CHLSN: variants seen among roughly 807,000 people sequenced by gnomAD.
CHLSN encodes the protein cholesin, also known as protein cholesin.
chr7:985,999 G>C, the CHLSN span, among the ~76,000 whole-genome samples: 251 of 152,254 alleles, frequency 1.6e-3, no homozygotes, highest in African/African-American at 5.1e-3. Flanking sequence ...TGCTGGTGGA[G>C]CCAGGCAGGC....
the CHLSN span, among the ~76,000 whole-genome samples, chr7:1,073,554 C>T: frequency 2.0e-5 from 3 of 152,114 alleles, no homozygotes; most frequent in Non-Finnish European, 4.4e-5. Context: ...GTTTCCTTCC[C>T]CAGCCCATAT....
At chr7:1,002,760 T>G in the CHLSN span, among the ~76,000 whole-genome samples, 1 of 63,254 alleles carries the variant, frequency 1.6e-5, no homozygotes, top group East Asian at 5.0e-4. Flanking sequence ...GTCCTGTGGG[T>G]GGGGAGTCCT....
At chr7:1,086,050 GC>G in the CHLSN span, among the ~76,000 whole-genome samples, 62 of 152,308 alleles carry the variant, frequency 4.1e-4, no homozygotes, top group African/African-American at 1.3e-3. Context: ...AGACCCAGAT[GC>G]CCCGATCCGC....
At chr7:1,034,027 T>C in the CHLSN span, among the ~76,000 whole-genome samples, 9 of 152,224 alleles carry the variant, frequency 5.9e-5, no homozygotes, top group Admixed American at 3.9e-4. Flanking sequence ...GCAAGCGGCA[T>C]GACCGTTGAT....
chr7:1,028,980 A>C, the CHLSN span: 1 of 192,250 alleles, frequency 5.2e-6, no homozygotes, highest in Non-Finnish European at 8.6e-6. Flanking sequence ...CATGGCATCC[A>C]CGTGTCCAGC....
the CHLSN span, among the ~76,000 whole-genome samples, chr7:1,071,639 G>T: frequency 6.6e-6 from 1 of 152,184 alleles, no homozygotes. Context: ...GCAGGAACAG[G>T]TTCAGGAGAC....
At chr7:1,021,586 C>T in the CHLSN span, 5 of 984,948 alleles carry the variant, frequency 5.1e-6, no homozygotes, top group African/African-American at 1.7e-5. Context: ...CAATCATTTC[C>T]CCATGCTGTT....
chr7:1,003,873 G>A, the CHLSN span, among the ~76,000 whole-genome samples: 2 of 133,312 alleles, frequency 1.5e-5, no homozygotes, highest in Admixed American at 7.1e-5. Context: ...CTGTGGGTTT[G>A]GAGTCCTGTG....
chr7:1,015,914 A>G, the CHLSN span, among the ~76,000 whole-genome samples: 1 of 152,100 alleles, frequency 6.6e-6, no homozygotes, highest in Admixed American at 6.5e-5. Flanking sequence ...CACTGATGTC[A>G]CCTGACCAGA....
chr7:1,008,757 C>T, the CHLSN span, among the ~76,000 whole-genome samples: 11 of 152,274 alleles, frequency 7.2e-5, no homozygotes, highest in Non-Finnish European at 1.3e-4. Context: ...CATAAACACA[C>T]ACGTGCATAA....
At chr7:1,018,195 C>T in the CHLSN span, among the ~76,000 whole-genome samples, 2 of 152,214 alleles carry the variant, frequency 1.3e-5, no homozygotes, top group African/African-American at 4.8e-5. Flanking sequence ...AGGACACGCA[C>T]ACTAGGGCTT....
chr7:1,081,072 G>A, the CHLSN span: 1 of 152,374 alleles, frequency 6.6e-6, no homozygotes, highest in Non-Finnish European at 1.5e-5. Context: ...CAGTGGAGGA[G>A]GGGGAGCACG....
the CHLSN span, among the ~76,000 whole-genome samples, chr7:1,059,805 A>T: frequency 2.0e-5 from 1 of 49,762 alleles, no homozygotes; most frequent in Non-Finnish European, 3.6e-5. Flanking sequence ...GCAGGCCCGT[A>T]GTGGGGCGGG....
the CHLSN span, among the ~76,000 whole-genome samples, chr7:1,008,908 AACACACGTATACACATG>A: frequency 6.8e-6 from 1 of 146,786 alleles, no homozygotes; most frequent in Non-Finnish European, 1.5e-5. Flanking sequence ...ACACGTACAC[AACACACGTATACACATG>A]CGCATACATG....
chr7:1,027,752 C>G, the CHLSN span, among the ~76,000 whole-genome samples: 1 of 151,868 alleles, frequency 6.6e-6, no homozygotes, highest in African/African-American at 2.4e-5. Flanking sequence ...GGGTCCTCTA[C>G]CCCGGCACAG....
At chr7:1,026,820 G>C in the CHLSN span, 1 of 152,284 alleles carries the variant, frequency 6.6e-6, no homozygotes, top group Non-Finnish European at 1.5e-5. Context: ...ACAAAGCTAC[G>C]TGGATTTTCC....
At chr7:1,019,266 C>T in the CHLSN span, among the ~76,000 whole-genome samples, 1 of 150,068 alleles carries the variant, frequency 6.7e-6, no homozygotes, top group Non-Finnish European at 1.5e-5. Context: ...TGGAGGGGCC[C>T]AACCAGGCCC....
At chr7:1,096,380 G>A in the CHLSN span, among the ~76,000 whole-genome samples, 1 of 152,184 alleles carries the variant, frequency 6.6e-6, no homozygotes. This position sits in a 1 kb window ranked among gnomAD's most constrained non-coding sequence, Gnocchi z 4.6. Context: ...CAACACTGAG[G>A]TCCCCACGCA....
the CHLSN span, among the ~76,000 whole-genome samples, chr7:1,135,448 C>T: frequency 1.3e-5 from 2 of 151,948 alleles, no homozygotes; most frequent in Admixed American, 6.6e-5. Flanking sequence ...TGTTTATACA[C>T]ATATATCTAC....
Sources: gnomAD v4.1 joint callset for allele counts (sites outside exome capture counted in the v4.1 genomes callset) on GRCh38, gnomAD v4.1.1 for gene constraint, Gnocchi (gnomAD v3.1) non-coding constraint, MANE v1.5 for transcripts, NCBI Gene and HGNC (gene_info 2026-07-23, HGNC 2026-07-21) for gene names.